Variants in FDFT1 observed in about 807,000 individuals in gnomAD.
FDFT1 encodes farnesyl-diphosphate farnesyltransferase 1, also known as squalene synthase.
A neutral mutation model predicts 46.8 loss-of-function variants in FDFT1; 68 were observed. The ratio of observed to expected loss-of-function variants is 1.45; its 90% CI spans 1.19 to 1.78. The LOEUF is 1.78. Among genes scored for constraint, FDFT1 ranks in the 40% most tolerant of loss-of-function variants. The pLI, the probability that FDFT1 is intolerant of heterozygous loss-of-function variation, is 0.00. For missense variants in FDFT1, 928 were observed against 524.4 expected (o/e 1.77, Z -7.52); for synonymous variants, 351 against 185.1 (o/e 1.90, Z -7.28).
intron 5 of FDFT1, among the ~76,000 whole-genome samples, chr8:11,827,849 G>A (rs924757704): frequency 3.3e-5 from 5 of 151,790 alleles, no homozygotes; most frequent in African/African-American, 1.2e-4. Context: ...AGACCAGCCT[G>A]GACAACGTAG....
intron 3 of FDFT1, among the ~76,000 whole-genome samples, chr8:11,817,085 G>A (rs1407913480): frequency 1.3e-5 from 2 of 152,008 alleles, no homozygotes; most frequent in Non-Finnish European, 2.9e-5. Flanking sequence ...ATGAAAGACT[G>A]TTGAATTTTG....
intron 5 of FDFT1, among the ~76,000 whole-genome samples, chr8:11,828,217 G>C (rs1810279372): frequency 6.6e-6 from 1 of 152,156 alleles, no homozygotes; most frequent in African/African-American, 2.4e-5. Flanking sequence ...GAGCCCAGGA[G>C]TTCAAGGCTG....
chr8:11,827,838 G>A (rs955616166), intron 5 of FDFT1, among the ~76,000 whole-genome samples: 2 of 151,372 alleles, frequency 1.3e-5, no homozygotes, highest in Non-Finnish European at 2.9e-5. Context: ...CCAGGATATC[G>A]AGACCAGCCT....
upstream of FDFT1, chr8:11,801,612 G>A: frequency 4.8e-6 from 1 of 209,458 alleles, no homozygotes; most frequent in Non-Finnish European, 9.8e-6. Context: ...GAGCCACCGC[G>A]CTCGGCTAGA....
chr8:11,816,891 C>G (rs1009449266), intron 3 of FDFT1, among the ~76,000 whole-genome samples: 2 of 152,032 alleles, frequency 1.3e-5, no homozygotes, highest in African/African-American at 4.8e-5. Context: ...CTGGCCAGAA[C>G]TACCAATACT....
intron 4 of FDFT1, among the ~76,000 whole-genome samples, chr8:11,823,924 T>G (rs1023065376): frequency 2.0e-5 from 3 of 152,046 alleles, no homozygotes; most frequent in African/African-American, 7.2e-5. Flanking sequence ...TTGTAATTTT[T>G]TGGTAGAGAC....
upstream of FDFT1, among the ~76,000 whole-genome samples, chr8:11,800,877 G>C (rs924386493): frequency 3.3e-5 from 5 of 152,198 alleles, no homozygotes; most frequent in African/African-American, 1.2e-4. Context: ...AGATTTTTCT[G>C]GGGTTCCCTT....
intron 5 of FDFT1, among the ~76,000 whole-genome samples, chr8:11,827,898 A>C (rs966746126): frequency 2.0e-5 from 3 of 146,408 alleles, no homozygotes; most frequent in African/African-American, 5.5e-5. Context: ...AACAAAACAA[A>C]ACAAAAAAAA....
At chr8:11,818,453 C>T (rs113500152) in intron 3 of FDFT1, among the ~76,000 whole-genome samples, 2 of 152,144 alleles carry the variant, frequency 1.3e-5, no homozygotes, top group Non-Finnish European at 2.9e-5. Context: ...CTAATATTGA[C>T]AGTGGGATGT....
At chr8:11,820,257 G>A (rs1243334737) in intron 3 of FDFT1, among the ~76,000 whole-genome samples, 2 of 152,042 alleles carry the variant, frequency 1.3e-5, no homozygotes, top group Non-Finnish European at 2.9e-5. Flanking sequence ...GGTGTCTGTC[G>A]GCCCCTACTG....
chr8:11,796,126 A>G (rs964108221), intron 1 of FDFT1: 2 of 152,044 alleles, frequency 1.3e-5, no homozygotes, highest in African/African-American at 4.8e-5. Context: ...AATATTTCTT[A>G]AATGCCTCCT....
intron 1 of FDFT1, among the ~76,000 whole-genome samples, chr8:11,807,002 G>A (rs1030059201): frequency 9.3e-5 from 13 of 139,414 alleles, no homozygotes; most frequent in African/African-American, 3.0e-4. Flanking sequence ...GGCAAAATAC[G>A]TATTCATGAT....
intron 5 of FDFT1, among the ~76,000 whole-genome samples, chr8:11,829,830 T>C (rs1228208525): frequency 6.9e-6 from 1 of 144,434 alleles, no homozygotes; most frequent in Non-Finnish European, 1.5e-5. Context: ...CTGTATATCA[T>C]AGTGTTTTTT....
intron 3 of FDFT1, among the ~76,000 whole-genome samples, chr8:11,812,922 T>C (rs529786659): frequency 1.3e-5 from 2 of 152,338 alleles, no homozygotes; most frequent in East Asian, 3.9e-4. Context: ...CAGGATACAT[T>C]CTGAGAAACG....
intron 4 of FDFT1, among the ~76,000 whole-genome samples, chr8:11,824,719 T>C (rs1020420174): frequency 1.3e-5 from 2 of 152,298 alleles, no homozygotes; most frequent in Middle Eastern, 6.8e-3. Flanking sequence ...GAGGATTGAA[T>C]GTGCAGAGTT....
intron 1 of FDFT1, 23 bp from the exon 2 acceptor site, chr8:11,808,771 C>CCG (rs751889183): frequency 6.2e-7 from 1 of 1,612,144 alleles, no homozygotes; most frequent in Non-Finnish European, 8.5e-7. Context: ...TCTCCCACCG[C>CCG]CGTGTGTGTT....
intron 1 of FDFT1, among the ~76,000 whole-genome samples, chr8:11,806,478 G>A (rs1806850368): frequency 6.6e-6 from 1 of 152,206 alleles, no homozygotes. Flanking sequence ...AGGGGTACGA[G>A]CTGGAGGAGT....
upstream of FDFT1, among the ~76,000 whole-genome samples, chr8:11,797,614 C>T (rs1254508722): frequency 2.1e-5 from 3 of 142,988 alleles, no homozygotes; most frequent in East Asian, 2.0e-4. Flanking sequence ...CAACATAAGA[C>T]CCTGTCTGTC....
At chr8:11,809,237 C>G (rs541216196) in intron 2 of FDFT1, 17 of 1,152,896 alleles carry the variant, frequency 1.5e-5, no homozygotes, top group South Asian at 7.5e-5. Flanking sequence ...TGGGTTGATT[C>G]TTTTGAAGCT....
Sources: allele counts gnomAD v4.1 joint callset (sites outside exome capture counted in the v4.1 genomes callset), GRCh38; gene constraint gnomAD v4.1.1; transcripts MANE v1.5; gene names NCBI Gene and HGNC (gene_info 2026-07-23, HGNC 2026-07-21).